BCL11B: variants seen among roughly 807,000 people sequenced by gnomAD.
BCL11B encodes the protein B-cell lymphoma/leukemia 11B.
Under a neutral mutation model 49.9 loss-of-function variants are expected in BCL11B, and 8 were observed. That is an observed-to-expected ratio of 0.16 (90% CI 0.09 to 0.29). BCL11B has a LOEUF of 0.29. BCL11B is among the 10% of genes least tolerant of loss of function. The pLI is 1.00. For missense variants in BCL11B, 1,006 were observed against 1,351.0 expected, an observed-to-expected ratio of 0.74 and a Z score of 4.00; for synonymous variants, 739 against 637.4, an observed-to-expected ratio of 1.16 and a Z score of -2.40.
rs1341192646 is a variant in BCL11B, at chr14:99,231,755, C to G, written c.428-198G>C. 6.6e-6 allele frequency among the ~76,000 whole-genome samples: 1 copy of G among 151,290 alleles called. No homozygotes were observed. Among genetic ancestry groups the G allele is most frequent in the Non-Finnish European group, 1.5e-5 (1 of 67,790 alleles). On this transcript the variant is annotated intron_variant, in intron 2 of 3. Transcript: ENST00000357195. This position sits in a 1 kb window ranked among gnomAD's most constrained non-coding sequence, Gnocchi z 8.1. ...TGGGCTCGGGGAGGTGGGCAGGGGG[C>G]ACTGGGGAGGGCCCGGTTTCCACAG...
rs1886370615 is a variant in BCL11B at position 99,173,787 on chromosome 14, C to T, written c.*364G>A. The T allele has an allele frequency of 7.0e-6, 2 of 286,790 alleles. No individual in the cohort carries two copies. Among genetic ancestry groups the T allele is most frequent in the South Asian group, 1.6e-4 (2 of 12,524 alleles). 17.8% of individuals were successfully genotyped at this position (286,790 alleles called of 1,614,324 possible). ...CTCTAACATTGCTTGCGAGTCATTGCTCAGGCTACTACCGGGTTAAAAAAA... is the reference window on the plus strand; with the variant it reads ...CTCTAACATTGCTTGCGAGTCATTGTTCAGGCTACTACCGGGTTAAAAAAA... On this transcript the variant is annotated 3_prime_UTR_variant, in exon 4 of 4. Transcript: ENST00000357195.
intron 3 of BCL11B, among the ~76,000 whole-genome samples, chr14:99,196,345 C>A (rs1204968248): frequency 6.6e-6 from 1 of 152,162 alleles, no homozygotes; most frequent in East Asian, 1.9e-4. Context: ...GGGCGCAGCA[C>A]CGTGATACCT....
chr14:99,262,062 G>A lies in BCL11B; in HGVS notation c.59-4223C>T, dbSNP rs891975213. Reference sequence around the variant, plus strand: ...CCCAAGACAAACTTCCCCATGCCTCGGCTTTGCTGGGAAGGAATTTGAGTC... The same window carrying A: ...CCCAAGACAAACTTCCCCATGCCTCAGCTTTGCTGGGAAGGAATTTGAGTC... On this transcript the variant is annotated intron_variant, in intron 1 of 3. Transcript: ENST00000357195. This position sits in a 1 kb window ranked among gnomAD's most constrained non-coding sequence, Gnocchi z 4.2. Among the ~76,000 whole-genome samples, 5 of 152,270 alleles carry A rather than the reference G, an allele frequency of 3.3e-5. No homozygotes were observed. The highest frequency in any genetic ancestry group is 7.2e-5 in the African/African-American group (3 of 41,552).
intron 2 of BCL11B, among the ~76,000 whole-genome samples, chr14:99,244,377 T>A (rs1346768324): frequency 6.6e-6 from 1 of 151,868 alleles, no homozygotes; most frequent in Non-Finnish European, 1.5e-5. Flanking sequence ...AGACCTAGGA[T>A]GGGGCCCGTC....
chr14:99,216,555 C>T (rs1312229287), intron 3 of BCL11B, among the ~76,000 whole-genome samples: 3 of 152,098 alleles, frequency 2.0e-5, no homozygotes, highest in African/African-American at 4.8e-5. Context: ...AGATTGGGGG[C>T]GGGGGCTCAG....
chr14:99,186,030 A>G (rs895693774), intron 3 of BCL11B, among the ~76,000 whole-genome samples: 1 of 152,250 alleles, frequency 6.6e-6, no homozygotes, highest in African/African-American at 2.4e-5. Flanking sequence ...AAAGAAATGA[A>G]GGTCTGTCCT....
chr14:99,242,433 G>C lies in BCL11B; in HGVS notation c.428-10876C>G, dbSNP rs992821752. ...TTGCCCAGCCTTGCATGCCCACGTG[G>C]AATTTACTTAGATCTGTATTCAATT... On this transcript the variant is annotated intron_variant, in intron 2 of 3. Coordinates refer to ENST00000357195, the MANE Select transcript of BCL11B (RefSeq NM_138576.4). The surrounding 1 kb of genome is among the most constrained non-coding windows in gnomAD (Gnocchi z 4.4). Among the ~76,000 whole-genome samples, 2 of 152,140 alleles carry C rather than the reference G, an allele frequency of 1.3e-5. No individual in the cohort carries two copies. Among genetic ancestry groups the C allele is most frequent in the African/African-American group, 2.4e-5 (1 of 41,428 alleles).
At position 99,213,637 on chromosome 14, in the gene BCL11B, C is replaced by T. The variant is rs921753374; in HGVS notation, c.640+17708G>A. On this transcript the variant is annotated intron_variant, in intron 3 of 3. Coordinates refer to ENST00000357195, the MANE Select transcript of BCL11B (RefSeq NM_138576.4). This position sits in a 1 kb window ranked among gnomAD's most constrained non-coding sequence, Gnocchi z 5.1. ...TGCCTGTCTCCCACACTCCCGGACG[C>T]CACAGGCTGCAGAGTCCATGAGCTT... Among the ~76,000 whole-genome samples, 2 of 152,202 alleles carry T rather than the reference C, an allele frequency of 1.3e-5. No individual in the cohort carries two copies. Among genetic ancestry groups the T allele is most frequent in the African/African-American group, 4.8e-5 (2 of 41,452 alleles).
chr14:99,170,894 C>T lies in BCL11B; in HGVS notation c.*3257G>A, dbSNP rs1015320280. 2.2e-5 allele frequency: 5 copies of T among 232,456 alleles called. No individual in the cohort carries two copies. Among genetic ancestry groups the T allele is most frequent in the Non-Finnish European group, 4.3e-5 (5 of 117,608 alleles). 14.4% of individuals were successfully genotyped at this position (232,456 alleles called of 1,614,324 possible). On this transcript the variant is annotated 3_prime_UTR_variant, in exon 4 of 4. Transcript: ENST00000357195. ...GATATTTGTGTTTGTTTCACAATTT[C>T]TCAAGGACTAAAGCAGCTCAGTTTG...
intron 3 of BCL11B, among the ~76,000 whole-genome samples, chr14:99,220,943 C>T (rs564740269): frequency 3.9e-5 from 6 of 152,192 alleles, no homozygotes; most frequent in Admixed American, 2.0e-4. Flanking sequence ...CTCCACCTCC[C>T]GGGTTCAAGC....
intron 2 of BCL11B, among the ~76,000 whole-genome samples, chr14:99,252,916 TGA>T (rs1398333725): frequency 2.6e-5 from 4 of 152,238 alleles, no homozygotes; most frequent in Admixed American, 2.6e-4. Context: ...GAAATCACCG[TGA>T]GAGAGATCCC....
In BCL11B at chr14:99,249,495, A is replaced by G. The variant is rs79002502; in HGVS notation, c.427+7976T>C. ...AACTGAGCTGGTGACTCACCGGACA[A>G]CTGTGCAAGGTACCTCTCTATGACT... On this transcript the variant is annotated intron_variant, in intron 2 of 3. Transcript: ENST00000357195. Among the ~76,000 whole-genome samples, 1,109 of 152,304 alleles carry G rather than the reference A, an allele frequency of 7.3e-3. 13 individuals carry two copies. Among genetic ancestry groups the G allele is most frequent in the African/African-American group, 0.026 (1,074 of 41,556 alleles).
intron 2 of BCL11B, among the ~76,000 whole-genome samples, chr14:99,235,704 A>AAGGACAGC (rs1330340768): frequency 1.4e-5 from 2 of 137,984 alleles, no homozygotes; most frequent in African/African-American, 5.5e-5. Flanking sequence ...TTGGTGGGGG[A>AAGGACAGC]AGGACAGCGG....
chr14:99,215,538 T>C (rs892146761), intron 3 of BCL11B, among the ~76,000 whole-genome samples: 1 of 152,336 alleles, frequency 6.6e-6, no homozygotes, highest in East Asian at 1.9e-4. Context: ...AATTCCAGCA[T>C]GCGGACGGCT....
rs577035902 is a variant in BCL11B, at chr14:99,194,027, T to C, written c.641-17832A>G. ...TGAATGGGGGTACTGGGGGTTTCAATGGTTTCTGCCAGACAATATGGGCCC... is the reference window on the plus strand; with the variant it reads ...TGAATGGGGGTACTGGGGGTTTCAACGGTTTCTGCCAGACAATATGGGCCC... On this transcript the variant is annotated intron_variant, in intron 3 of 3. Transcript: ENST00000357195. The surrounding 1 kb of genome is among the most constrained non-coding windows in gnomAD (Gnocchi z 4.6). Among the ~76,000 whole-genome samples the C allele has an allele frequency of 6.6e-6, 1 of 152,342 alleles. No homozygotes were observed. Among genetic ancestry groups the C allele is most frequent in the Non-Finnish European group, 1.5e-5 (1 of 68,036 alleles).
At position 99,184,951 on chromosome 14, in the gene BCL11B, AC is replaced by A. The variant is rs1886810315; in HGVS notation, c.641-8757del. Among the ~76,000 whole-genome samples, 1 of 152,142 alleles carries A rather than the reference AC, an allele frequency of 6.6e-6. No homozygotes were observed. Reference sequence around the variant, plus strand: ...AGGAAGCTGGGCCTACACCCCTCAAACAAAGAGCCCCAGCATTCCCCTTGAC... The same window carrying A: ...AGGAAGCTGGGCCTACACCCCTCAAAAAAGAGCCCCAGCATTCCCCTTGAC... On this transcript the variant is annotated intron_variant, in intron 3 of 3. Transcript: ENST00000357195. This position sits in a 1 kb window ranked among gnomAD's most constrained non-coding sequence, Gnocchi z 6.1.
chr14:99,230,770 C>G (rs1236108092), intron 3 of BCL11B, among the ~76,000 whole-genome samples: 1 of 152,196 alleles, frequency 6.6e-6, no homozygotes, highest in East Asian at 1.9e-4. Context: ...AGGTACTCAG[C>G]CCCCGCCCCC....
At chr14:99,223,269 T>C (rs1292917788) in intron 3 of BCL11B, among the ~76,000 whole-genome samples, 1 of 152,258 alleles carries the variant, frequency 6.6e-6, no homozygotes, top group Non-Finnish European at 1.5e-5. Flanking sequence ...ACTCTCTTCA[T>C]CTACTGTCTT....
intron 2 of BCL11B, among the ~76,000 whole-genome samples, chr14:99,234,983 G>A (rs1297955255): frequency 2.0e-5 from 3 of 151,862 alleles, no homozygotes; most frequent in Admixed American, 6.6e-5. Context: ...GCATTCCACA[G>A]GGGTCTGTCA....
Sources: allele counts gnomAD v4.1 joint callset (sites outside exome capture counted in the v4.1 genomes callset), GRCh38; gene constraint gnomAD v4.1.1; non-coding constraint Gnocchi (gnomAD v3.1); transcripts MANE v1.5; gene names NCBI Gene and HGNC (gene_info 2026-07-23, HGNC 2026-07-21).